The following RSRC1 variants were observed in gnomAD, a reference collection of about 807,000 sequenced individuals.
RSRC1 encodes arginine and serine rich coiled-coil 1.
RSRC1 carries 39 observed loss-of-function variants against 49.1 expected under a neutral mutation model. The ratio of observed to expected loss-of-function variants is 0.79; its 90% CI spans 0.61 to 1.04. The LOEUF is 1.04. Among genes scored for constraint, RSRC1 ranks in the 50% least tolerant of loss-of-function variants. RSRC1 has a pLI of 0.00. For synonymous variants in RSRC1, 143 were observed against 130.8 expected, an observed-to-expected ratio of 1.09 and a Z score of -0.63; for missense variants, 388 against 402.4, an observed-to-expected ratio of 0.96 and a Z score of 0.31.
intron 6 of RSRC1, among the ~76,000 whole-genome samples, chr3:158,459,098 A>G (rs1475002189): frequency 6.6e-6 from 1 of 152,146 alleles, no homozygotes; most frequent in Non-Finnish European, 1.5e-5. Context: ...ACATAATTCA[A>G]AAGATTTTCT....
At chr3:158,246,671 T>C (rs1161529957) in intron 4 of RSRC1, among the ~76,000 whole-genome samples, 1 of 152,218 alleles carries the variant, frequency 6.6e-6, no homozygotes, top group Non-Finnish European at 1.5e-5. Flanking sequence ...AAATTCTGGG[T>C]TGGCAATTCT....
intron 6 of RSRC1, among the ~76,000 whole-genome samples, chr3:158,453,273 T>C (rs1210375516): frequency 2.6e-5 from 4 of 151,734 alleles, no homozygotes; most frequent in African/African-American, 4.9e-5. Flanking sequence ...TTTCAAACTC[T>C]TGTGCACACA....
chr3:158,128,510 C>T (rs1010964689), intron 3 of RSRC1, among the ~76,000 whole-genome samples: 1 of 152,070 alleles, frequency 6.6e-6, no homozygotes, highest in Admixed American at 6.5e-5. Context: ...TTGTTTCTTA[C>T]AGGCTCTTTC....
chr3:158,473,653 A>G (rs958038059), intron 7 of RSRC1, among the ~76,000 whole-genome samples: 5 of 152,118 alleles, frequency 3.3e-5, no homozygotes, highest in African/African-American at 1.2e-4. Context: ...CCTAGAACTT[A>G]AAGTATAATT....
chr3:158,124,116 T>C (rs1715460643), intron 3 of RSRC1, 125 bp downstream of exon 3: 3 of 635,486 alleles, frequency 4.7e-6, no homozygotes, highest in Non-Finnish European at 7.1e-6. Flanking sequence ...CACTTATTTT[T>C]TTCTCACCTG....
intron 3 of RSRC1, among the ~76,000 whole-genome samples, chr3:158,169,346 C>T (rs1718730266): frequency 1.3e-5 from 2 of 152,058 alleles, no homozygotes. Flanking sequence ...ATTAATGACT[C>T]CTGCTATAGT....
chr3:158,218,921 A>G (rs1307976894), intron 4 of RSRC1, among the ~76,000 whole-genome samples: 1 of 151,672 alleles, frequency 6.6e-6, no homozygotes, highest in Non-Finnish European at 1.5e-5. Context: ...ACGGTCTTTG[A>G]TCTCAAGAAA....
In RSRC1 at chr3:158,468,225, G is replaced by A. The variant is rs546396334; in HGVS notation, c.652+7222G>A. On this transcript the variant is annotated intron_variant, in intron 7 of 9. Transcript: ENST00000611884. The stretch of plus-strand genomic sequence containing the variant: ...TGGGATTACAGGCGTGAGCCACCGC[G>A]CCCGGCCAGAAAAATTATTTTCTAC... Among the ~76,000 whole-genome samples the A allele has an allele frequency of 3.9e-5, 6 of 152,260 alleles. No individual in the cohort carries two copies. In the South Asian group the frequency reaches 8.3e-4, roughly 21 times the overall value.
intron 7 of RSRC1, among the ~76,000 whole-genome samples, chr3:158,530,514 A>G (rs755648476): frequency 1.3e-5 from 2 of 151,852 alleles, no homozygotes; most frequent in African/African-American, 2.4e-5. Context: ...ACATAAGCTC[A>G]TGAAGGAAGA....
intron 4 of RSRC1, among the ~76,000 whole-genome samples, chr3:158,211,952 T>G (rs1456337786): frequency 6.6e-6 from 1 of 151,962 alleles, no homozygotes; most frequent in Non-Finnish European, 1.5e-5. Context: ...AAATACTTTC[T>G]TCTCTACTTT....
At chr3:158,365,077 G>A (rs1415274930) in intron 6 of RSRC1, among the ~76,000 whole-genome samples, 1 of 152,040 alleles carries the variant, frequency 6.6e-6, no homozygotes, top group East Asian at 1.9e-4. Flanking sequence ...TGAGCCACAT[G>A]TCCTCCTCAT....
chr3:158,322,406 C>T (rs552078965), intron 5 of RSRC1, among the ~76,000 whole-genome samples: 6 of 152,228 alleles, frequency 3.9e-5, no homozygotes, highest in Admixed American at 2.0e-4. Flanking sequence ...CCCAGCCCAC[C>T]GCAAACTAAA....
chr3:158,327,463 T>G (rs141540061), intron 5 of RSRC1, among the ~76,000 whole-genome samples: 4,047 of 152,306 alleles, frequency 0.027, 162 homozygotes, highest in African/African-American at 0.093. Context: ...AAGAACATCT[T>G]TATTTCTGCC....
chr3:158,362,416 T>C (rs1731529520), intron 6 of RSRC1, among the ~76,000 whole-genome samples: 1 of 152,218 alleles, frequency 6.6e-6, no homozygotes, highest in Non-Finnish European at 1.5e-5. Flanking sequence ...TAGTACTACA[T>C]CAGAGAACAT....
At chr3:158,537,386 A>AT (rs1463365441) in intron 8 of RSRC1, among the ~76,000 whole-genome samples, 188 bp downstream of exon 8, 1 of 151,676 alleles carries the variant, frequency 6.6e-6, no homozygotes, top group Non-Finnish European at 1.5e-5. Context: ...TTTAATTTGT[A>AT]TAAAAAATGC....
intron 6 of RSRC1, among the ~76,000 whole-genome samples, chr3:158,365,196 A>G (rs554944092): frequency 6.6e-6 from 1 of 152,190 alleles, no homozygotes; most frequent in African/African-American, 2.4e-5. Context: ...CATGTGCCGA[A>G]CATGCAGATT....
At position 158,305,952 on chromosome 3, in the gene RSRC1, T is replaced by G. The variant is rs867594802; in HGVS notation, c.531+7877T>G. Among the ~76,000 whole-genome samples, 3 of 152,092 alleles carry G rather than the reference T, an allele frequency of 2.0e-5. No homozygotes were observed. In the South Asian group the frequency reaches 6.2e-4, roughly 31 times the overall value. On this transcript the variant is annotated intron_variant, in intron 5 of 9. Coordinates refer to ENST00000611884, the MANE Select transcript of RSRC1 (RefSeq NM_001271838.2). ...ACTTTTTAAAGTATATCATTATTTT[T>G]GTAGAGAAAGAAAAAATTGTAACAG...
chr3:158,202,168 C>G (rs1380822588), intron 3 of RSRC1, among the ~76,000 whole-genome samples: 1 of 152,068 alleles, frequency 6.6e-6, no homozygotes, highest in Non-Finnish European at 1.5e-5. Flanking sequence ...GCATGTGCCA[C>G]CACGCCCAGC....
intron 6 of RSRC1, among the ~76,000 whole-genome samples, chr3:158,444,054 A>T (rs1736537591): frequency 2.0e-5 from 3 of 152,186 alleles, no homozygotes; most frequent in African/African-American, 4.8e-5. Flanking sequence ...ATCAAAAATC[A>T]CTGATCACAG....
Sources: gnomAD v4.1 joint callset for allele counts (sites outside exome capture counted in the v4.1 genomes callset) on GRCh38, gnomAD v4.1.1 for gene constraint, MANE v1.5 for transcripts, NCBI Gene and HGNC (gene_info 2026-07-23, HGNC 2026-07-21) for gene names.